HERC2: variants seen among roughly 807,000 people sequenced by gnomAD.
HERC2 encodes the protein HECT and RLD domain containing E3 ubiquitin protein ligase 2.
HERC2 carries 102 observed loss-of-function variants against 537.7 expected under a neutral mutation model. The observed-to-expected ratio is 0.19, with a 90% confidence interval of 0.16 to 0.22. The LOEUF (loss-of-function observed/expected upper bound fraction) is 0.22, where lower values mean the gene tolerates loss of function less well. Among genes scored for constraint, HERC2 ranks in the 10% least tolerant of loss-of-function variants. The pLI, the probability that HERC2 is intolerant of heterozygous loss-of-function variation, is 1.00. For synonymous variants in HERC2, 2,224 were observed against 2,466.2 expected, an observed-to-expected ratio of 0.90 and a Z score of 2.91; for missense variants, 4,236 against 6,198.2, an observed-to-expected ratio of 0.68 and a Z score of 10.63.
intron 81 of HERC2, among the ~76,000 whole-genome samples, chr15:28,131,632 C>T (rs1027096594): frequency 1.3e-5 from 2 of 152,214 alleles, no homozygotes; most frequent in Non-Finnish European, 2.9e-5. Context: ...AGGACTCAGG[C>T]GCTGTGCAGG....
intron 50 of HERC2, among the ~76,000 whole-genome samples, chr15:28,198,170 C>A (rs1897531151): frequency 6.6e-6 from 1 of 152,178 alleles, no homozygotes; most frequent in African/African-American, 2.4e-5. Context: ...TCCTGTACTG[C>A]AATGAGTTAA....
At chr15:28,217,442 G>A (rs889898207) in intron 38 of HERC2, among the ~76,000 whole-genome samples, 23 of 152,020 alleles carry the variant, frequency 1.5e-4, no homozygotes, top group Non-Finnish European at 2.5e-4. Flanking sequence ...CAATATGTGC[G>A]GACGCTCCAG....
chr15:28,270,319 A>G (rs1219312933), intron 10 of HERC2, among the ~76,000 whole-genome samples: 1 of 151,548 alleles, frequency 6.6e-6, no homozygotes, highest in Non-Finnish European at 1.5e-5. Flanking sequence ...TATATAACAT[A>G]TAATTATACT....
At chr15:28,180,578 G>A (rs1467408682) in intron 57 of HERC2, among the ~76,000 whole-genome samples, 1 of 152,184 alleles carries the variant, frequency 6.6e-6, no homozygotes, top group Non-Finnish European at 1.5e-5. Context: ...TGGTAACTAT[G>A]GAAGCTGTAC....
chr15:28,276,840 G>A (rs1034705140), intron 5 of HERC2, among the ~76,000 whole-genome samples: 5 of 152,150 alleles, frequency 3.3e-5, no homozygotes, highest in African/African-American at 1.2e-4. Flanking sequence ...ATTGTGCTGA[G>A]TGAAAAAAGT....
chr15:28,156,321 G>A (rs1397904266), intron 69 of HERC2, among the ~76,000 whole-genome samples: 4 of 152,156 alleles, frequency 2.6e-5, no homozygotes, highest in Admixed American at 2.0e-4. Context: ...TAGCTTGATG[G>A]GGATGGCATT....
At position 28,246,737 on chromosome 15, in the gene HERC2, G is replaced by A. The variant is rs771668801; in HGVS notation, c.3391+5C>T. The A allele has an allele frequency of 6.4e-6, 10 of 1,552,648 alleles. No individual in the cohort carries two copies. Among genetic ancestry groups the A allele is most frequent in the Non-Finnish European group, 8.7e-6 (10 of 1,152,818 alleles). ...ACATGTACACAAGCAGGAAACAAAA[G>A]GTACCAGTAAAGTCCCCTTCCACAA... On this transcript the variant is annotated splice_donor_5th_base_variant and intron_variant, in intron 22 of 92. Coordinates refer to ENST00000261609, the MANE Select transcript of HERC2 (RefSeq NM_004667.6).
chr15:28,261,582 A>G (rs1400026126), intron 15 of HERC2, among the ~76,000 whole-genome samples: 1 of 152,204 alleles, frequency 6.6e-6, no homozygotes, highest in Non-Finnish European at 1.5e-5. Context: ...CATCAGCAAC[A>G]AAAAAGGTGT....
At chr15:28,208,101 A>G (rs1398044500) in intron 44 of HERC2, among the ~76,000 whole-genome samples, 1 of 152,200 alleles carries the variant, frequency 6.6e-6, no homozygotes. Flanking sequence ...ACAACTGGGA[A>G]ATCTTCATGT....
At position 28,130,487 on chromosome 15, in the gene HERC2, A is replaced by G. The variant is rs374519281; in HGVS notation, c.12662+16T>C. 4.1e-4 allele frequency: 668 copies of G among 1,611,212 alleles called. 2 individuals carry two copies. The highest frequency in any genetic ancestry group is 7.2e-4 in the Admixed American group (43 of 59,982). On this transcript the variant is annotated intron_variant, in intron 82 of 92. Coordinates refer to ENST00000261609, the MANE Select transcript of HERC2 (RefSeq NM_004667.6). ...ATCTGGTTTTAGTGGGTTTAAACAA[A>G]CAGAATCTTGCGTACCAGGTATAAA...
Position 28,122,941 on chromosome 15 carries a change from GT to G in HERC2, c.13188+1095del, listed in dbSNP as rs952677898. Among the ~76,000 whole-genome samples, 1 of 152,060 alleles carries G rather than the reference GT, an allele frequency of 6.6e-6. No homozygotes were observed. Among genetic ancestry groups the G allele is most frequent in the African/African-American group, 2.4e-5 (1 of 41,392 alleles). The stretch of plus-strand genomic sequence containing the variant: ...ACTTTTTTTCTCCCTACAAAGAAAG[GT>G]TTTTTTCCTCTGTGCTGCCTATTAT... On this transcript the variant is annotated intron_variant, in intron 85 of 92. Coordinates refer to ENST00000261609, the MANE Select transcript of HERC2 (RefSeq NM_004667.6). The surrounding 1 kb of genome is among the most constrained non-coding windows in gnomAD (Gnocchi z 4.1).
At chr15:28,307,269 T>C (rs530282882) in intron 2 of HERC2, among the ~76,000 whole-genome samples, 6 of 152,396 alleles carry the variant, frequency 3.9e-5, no homozygotes, top group Non-Finnish European at 8.8e-5. Context: ...GTCTTCTTTT[T>C]CTCTTAGCCT....
rs1330055389 is a variant in HERC2, at chr15:28,196,154, G to A, written c.8260+61C>T. On this transcript the variant is annotated intron_variant, in intron 52 of 92. Coordinates refer to ENST00000261609, the MANE Select transcript of HERC2 (RefSeq NM_004667.6). ...AAATAACAAATTCCAATACACTGTGGTCCACAATAAGTATTTCATTAATAT... is the reference window on the plus strand; with the variant it reads ...AAATAACAAATTCCAATACACTGTGATCCACAATAAGTATTTCATTAATAT... 1.5e-5 allele frequency: 21 copies of A among 1,356,094 alleles called. No homozygotes were observed. In the East Asian group the frequency reaches 2.3e-4, roughly 15 times the overall value. 84.0% of individuals were successfully genotyped at this position (1,356,094 alleles called of 1,614,324 possible).
At chr15:28,228,462 C>T (rs1353845623) in intron 34 of HERC2, 53 bp from the exon 35 acceptor site, 36 of 1,545,234 alleles carry the variant, frequency 2.3e-5, no homozygotes, top group East Asian at 4.5e-5. Context: ...CAAGAATAAA[C>T]GTAACGCAGA....
At chr15:28,158,144 C>T (rs1202876552) in intron 69 of HERC2, among the ~76,000 whole-genome samples, 1 of 152,156 alleles carries the variant, frequency 6.6e-6, no homozygotes, top group East Asian at 1.9e-4. Context: ...CTGAGGAGTG[C>T]TTTACTTCCA....
At chr15:28,280,011 A>T (rs758168078) in intron 5 of HERC2, 57 bp downstream of exon 5, 24 of 1,371,022 alleles carry the variant, frequency 1.8e-5, no homozygotes, top group Non-Finnish European at 2.4e-5. Flanking sequence ...CTGAAACAAA[A>T]CAGTCTGAAT....
chr15:28,113,551 C>T lies in HERC2; in HGVS notation c.14019+22G>A, dbSNP rs1388847157. 1.2e-6 allele frequency: 2 copies of T among 1,602,068 alleles called. No homozygotes were observed. The highest frequency in any genetic ancestry group is 2.2e-5 in the East Asian group (1 of 44,812). On this transcript the variant is annotated intron_variant, in intron 91 of 92. Coordinates refer to ENST00000261609, the MANE Select transcript of HERC2 (RefSeq NM_004667.6). This position sits in a 1 kb window ranked among gnomAD's most constrained non-coding sequence, Gnocchi z 7.0. Reference sequence around the variant, plus strand: ...CAGGCAAAAGGCAGCTGCAGGGCAGCCCCACCTGGGGGTCGGCATACCATC... The same window carrying T: ...CAGGCAAAAGGCAGCTGCAGGGCAGTCCCACCTGGGGGTCGGCATACCATC...
intron 37 of HERC2, among the ~76,000 whole-genome samples, chr15:28,219,418 G>A (rs1900280058): frequency 6.6e-6 from 1 of 152,254 alleles, no homozygotes; most frequent in Admixed American, 6.5e-5. Flanking sequence ...GAGGGAGGAA[G>A]CAGCGACTGG....
At position 28,168,538 on chromosome 15, in the gene HERC2, A is replaced by G. The variant is rs1433254098; in HGVS notation, c.10282T>C (p.Cys3428Arg). ...GGGGCCGCCGAGGAGAACGAGGGGC[A>G]CTCCACCGGGGCGATCATGGCGGCC... ...MPAAMIAPVE[C>R]PSFSSAAPSD... The change falls in exon 67 of 93, where the codon TGC becomes CGC. Residue 3428 changes from cysteine (C) to arginine (R), a missense_variant. Cys to Arg is a radical substitution (Grantham distance 180). Transcript: ENST00000261609. 1.2e-6 allele frequency: 2 copies of G among 1,614,146 alleles called. No individual in the cohort carries two copies. The highest frequency in any genetic ancestry group is 2.2e-5 in the South Asian group (2 of 91,080).
Sources: allele counts gnomAD v4.1 joint callset (sites outside exome capture counted in the v4.1 genomes callset), GRCh38; gene constraint gnomAD v4.1.1; non-coding constraint Gnocchi (gnomAD v3.1); transcripts MANE v1.5; gene names NCBI Gene and HGNC (gene_info 2026-07-23, HGNC 2026-07-21).